Variants in STK33 observed in about 807,000 individuals in gnomAD.
STK33 encodes serine/threonine-protein kinase 33.
In STK33, 52 loss-of-function variants were observed where a neutral mutation model predicts 58.0. The observed-to-expected ratio is 0.90, with a 90% CI of 0.72 to 1.13. STK33 has a LOEUF of 1.13. Among genes scored for constraint, STK33 ranks in the 50% most tolerant of loss-of-function variants. The pLI is 0.00. For synonymous variants in STK33, 215 were observed against 200.1 expected (o/e 1.07, Z -0.63); for missense variants, 630 against 604.2 (o/e 1.04, Z -0.45).
chr11:8,414,734 T>A (rs1488515256), intron 14 of STK33, among the ~76,000 whole-genome samples: 1 of 152,174 alleles, frequency 6.6e-6, no homozygotes, highest in Non-Finnish European at 1.5e-5. Flanking sequence ...CCCCTTGTTT[T>A]AAGAAGCTCA....
downstream of STK33, among the ~76,000 whole-genome samples, chr11:8,387,432 A>C (rs1017014930): frequency 3.3e-5 from 5 of 152,220 alleles, no homozygotes; most frequent in Non-Finnish European, 5.9e-5. Context: ...TTGGACATTA[A>C]GACCTTGGTT....
chr11:8,464,520 T>C (rs967159969), intron 7 of STK33, among the ~76,000 whole-genome samples, 189 bp downstream of exon 7: 8 of 152,178 alleles, frequency 5.3e-5, no homozygotes, highest in African/African-American at 1.9e-4. Context: ...AGGCAGCACT[T>C]GCCTACTTGA....
chr11:8,413,351 T>C, intron 15 of STK33, 144 bp downstream of exon 15: 1 of 891,528 alleles, frequency 1.1e-6, no homozygotes. Context: ...GCTAGCCTTA[T>C]AAGGCAGAAA....
At chr11:8,353,023 A>G in the STK33 span, among the ~76,000 whole-genome samples, 1 of 152,226 alleles carries the variant, frequency 6.6e-6, no homozygotes, top group African/African-American at 2.4e-5. Context: ...TGACGGGAAC[A>G]TGGACCAGCG....
Position 8,582,448 on chromosome 11 carries a change from C to G in STK33, c.-466+11635G>C, listed in dbSNP as rs565583070. Reference sequence around the variant, plus strand: ...GGCTTGGGAGGCCTCAGGAAACTTACAATCATGGCAGAAGGCAAAGGGGAA... The same window carrying G: ...GGCTTGGGAGGCCTCAGGAAACTTAGAATCATGGCAGAAGGCAAAGGGGAA... On this transcript the variant is annotated intron_variant, in intron 1 of 15. Transcript: ENST00000687296. 1.6e-4 allele frequency among the ~76,000 whole-genome samples: 24 copies of G among 152,274 alleles called. 1 individual carries two copies. Among genetic ancestry groups the G allele is most frequent in the African/African-American group, 4.3e-4 (18 of 41,546 alleles).
At chr11:8,386,922 G>A (rs1193509184), downstream of STK33, among the ~76,000 whole-genome samples, 5 of 152,308 alleles carry the variant, frequency 3.3e-5, no homozygotes, top group African/African-American at 7.2e-5. Context: ...CTCCTGGTAA[G>A]CATCGATCTG....
chr11:8,520,167 T>G (rs1286396114), intron 1 of STK33, among the ~76,000 whole-genome samples: 1 of 152,196 alleles, frequency 6.6e-6, no homozygotes, highest in African/African-American at 2.4e-5. Context: ...GCTTCATCCC[T>G]GGGATGCAAG....
At chr11:8,428,611 T>C (rs1943053173) in intron 14 of STK33, among the ~76,000 whole-genome samples, 1 of 152,242 alleles carries the variant, frequency 6.6e-6, no homozygotes, top group Non-Finnish European at 1.5e-5. Context: ...TGTGATGAAC[T>C]GCATGACACT....
At chr11:8,568,540 C>T (rs1034322045) in intron 1 of STK33, among the ~76,000 whole-genome samples, 2 of 152,112 alleles carry the variant, frequency 1.3e-5, no homozygotes, top group African/African-American at 2.4e-5. Flanking sequence ...AAGTGTGGTG[C>T]TATTAAAGCA....
intron 1 of STK33, among the ~76,000 whole-genome samples, chr11:8,590,225 CA>C (rs888932481): frequency 1.3e-5 from 2 of 152,104 alleles, no homozygotes; most frequent in Non-Finnish European, 2.9e-5. Flanking sequence ...TGTGTGAGTC[CA>C]AATGGCCAGT....
intron 15 of STK33, among the ~76,000 whole-genome samples, chr11:8,399,901 CT>C (rs1250690296): frequency 1.3e-5 from 2 of 152,242 alleles, no homozygotes; most frequent in Non-Finnish European, 2.9e-5. Context: ...CACATACACT[CT>C]CCCAAGACTA....
At chr11:8,448,122 T>G (rs369029775) in intron 11 of STK33, among the ~76,000 whole-genome samples, 14 of 152,072 alleles carry the variant, frequency 9.2e-5, no homozygotes, top group African/African-American at 2.2e-4. Context: ...CACTGCTCAA[T>G]GAAATAAAAG....
At chr11:8,463,400 A>T (rs1947808608) in intron 7 of STK33, among the ~76,000 whole-genome samples, 1 of 152,134 alleles carries the variant, frequency 6.6e-6, no homozygotes. Context: ...GCCGCTGCTG[A>T]TCTGACAGGA....
intron 1 of STK33, among the ~76,000 whole-genome samples, chr11:8,533,704 G>C (rs1382961620): frequency 6.6e-6 from 1 of 152,172 alleles, no homozygotes; most frequent in African/African-American, 2.4e-5. Context: ...CAGAGCTGTG[G>C]CTCCAATTCT....
intron 8 of STK33, among the ~76,000 whole-genome samples, chr11:8,459,153 T>C (rs1403511591): frequency 1.3e-5 from 2 of 152,164 alleles, no homozygotes; most frequent in Non-Finnish European, 2.9e-5. Context: ...TTGGTCAAAG[T>C]TATATAAGTT....
intron 1 of STK33, among the ~76,000 whole-genome samples, chr11:8,536,948 AT>A (rs1554987777): frequency 1.7e-5 from 1 of 59,450 alleles, no homozygotes; most frequent in African/African-American, 8.6e-5. Flanking sequence ...TACCCAGCTA[AT>A]TAAAAAAAAA....
At chr11:8,412,038 A>T (rs930097927) in intron 15 of STK33, among the ~76,000 whole-genome samples, 1 of 152,164 alleles carries the variant, frequency 6.6e-6, no homozygotes, top group Non-Finnish European at 1.5e-5. Context: ...TCGCAAGCAT[A>T]TTTTATGTTA....
chr11:8,370,200 GGCT>G, the STK33 span, among the ~76,000 whole-genome samples: 12 of 150,004 alleles, frequency 8.0e-5, no homozygotes, highest in South Asian at 2.3e-3. Flanking sequence ...CAAAAGATGA[GGCT>G]TTTTTTTTTA....
At chr11:8,513,831 TC>T (rs1308580076) in intron 1 of STK33, among the ~76,000 whole-genome samples, 1 of 152,174 alleles carries the variant, frequency 6.6e-6, no homozygotes, top group Non-Finnish European at 1.5e-5. Context: ...TCAATTATAC[TC>T]TTTTAGTTAT....
Sources: allele counts gnomAD v4.1 joint callset (sites outside exome capture counted in the v4.1 genomes callset), GRCh38; gene constraint gnomAD v4.1.1; transcripts MANE v1.5; gene names NCBI Gene and HGNC (gene_info 2026-07-23, HGNC 2026-07-21).